Variants in CFAP299 observed in about 807,000 individuals in gnomAD.
CFAP299 encodes the protein cilia and flagella associated protein 299, also known as cilia- and flagella-associated protein 299.
CFAP299 carries 21 observed loss-of-function variants against 27.0 expected under a neutral mutation model. The ratio of observed to expected loss-of-function variants is 0.78; its 90% CI spans 0.55 to 1.12. CFAP299 has a LOEUF of 1.12. CFAP299 is among the 50% of genes most tolerant of loss of function. CFAP299 has a pLI of 0.00. For synonymous variants in CFAP299, 104 were observed against 98.1 expected, an observed-to-expected ratio of 1.06 and a Z score of -0.36; for missense variants, 310 against 276.6, an observed-to-expected ratio of 1.12 and a Z score of -0.86.
At chr4:80,676,706 C>G (rs935636597) in intron 3 of CFAP299, among the ~76,000 whole-genome samples, 1 of 151,982 alleles carries the variant, frequency 6.6e-6, no homozygotes, top group African/African-American at 2.4e-5. Context: ...CAGGAATTTA[C>G]TCATTTCTGC....
chr4:80,920,238 A>T (rs1363441164), intron 4 of CFAP299, among the ~76,000 whole-genome samples: 1 of 152,162 alleles, frequency 6.6e-6, no homozygotes, highest in Non-Finnish European at 1.5e-5. Context: ...CTCACTTTGA[A>T]TGTGACTCAC....
chr4:80,807,076 G>C (rs1189124227), intron 3 of CFAP299, among the ~76,000 whole-genome samples: 1 of 152,082 alleles, frequency 6.6e-6, no homozygotes, highest in East Asian at 1.9e-4. Context: ...ACTAAGCACT[G>C]CTTTTCTTGA....
At chr4:80,800,348 A>C (rs1232598928) in intron 3 of CFAP299, among the ~76,000 whole-genome samples, 1 of 71,886 alleles carries the variant, frequency 1.4e-5, no homozygotes, top group Non-Finnish European at 2.3e-5. Flanking sequence ...ATAATATATA[A>C]TATATATGAT....
At chr4:80,828,871 A>G (rs1730138304) in intron 3 of CFAP299, among the ~76,000 whole-genome samples, 1 of 152,072 alleles carries the variant, frequency 6.6e-6, no homozygotes, top group African/African-American at 2.4e-5. Context: ...TGTTGGGAAA[A>G]CTCAGTATCT....
At chr4:80,688,892 G>A (rs985615322) in intron 3 of CFAP299, among the ~76,000 whole-genome samples, 1 of 151,994 alleles carries the variant, frequency 6.6e-6, no homozygotes, top group African/African-American at 2.4e-5. Flanking sequence ...ACTACGTGAA[G>A]AATGCAGAAG....
chr4:80,732,270 T>C (rs2110056616), intron 3 of CFAP299, among the ~76,000 whole-genome samples: 1 of 149,036 alleles, frequency 6.7e-6, no homozygotes, highest in East Asian at 2.0e-4. Flanking sequence ...GAAGTTTGTT[T>C]TAAGAATCAC....
At chr4:80,425,014 G>T (rs1356936779) in intron 2 of CFAP299, among the ~76,000 whole-genome samples, 2 of 151,998 alleles carry the variant, frequency 1.3e-5, no homozygotes, top group African/African-American at 4.8e-5. Flanking sequence ...CTTGTGGGAG[G>T]ACATTATCCC....
intron 3 of CFAP299, among the ~76,000 whole-genome samples, chr4:80,615,216 C>G (rs983370811): frequency 6.6e-6 from 1 of 152,146 alleles, no homozygotes; most frequent in African/African-American, 2.4e-5. Flanking sequence ...ACTTTAGGAA[C>G]TCTGATTTGA....
intron 4 of CFAP299, among the ~76,000 whole-genome samples, chr4:80,938,571 T>C (rs1168999844): frequency 6.6e-6 from 1 of 152,170 alleles, no homozygotes; most frequent in African/African-American, 2.4e-5. Context: ...TAAATATCTG[T>C]TAGAGACTCT....
At chr4:80,445,468 G>C (rs1728575360) in intron 2 of CFAP299, among the ~76,000 whole-genome samples, 1 of 152,130 alleles carries the variant, frequency 6.6e-6, no homozygotes, top group African/African-American at 2.4e-5. Context: ...AGTGGGAGTT[G>C]AACAGTGAGA....
chr4:80,338,297 A>C (rs982849092), intron 1 of CFAP299, among the ~76,000 whole-genome samples: 4 of 152,216 alleles, frequency 2.6e-5, no homozygotes, highest in African/African-American at 9.6e-5. Context: ...TTTTGTGGTG[A>C]GAACACTTAA....
chr4:80,327,597 CA>C, the CFAP299 span, among the ~76,000 whole-genome samples: 1 of 140,620 alleles, frequency 7.1e-6, no homozygotes, highest in Non-Finnish European at 1.5e-5. Flanking sequence ...GTTGTCCAGG[CA>C]AAAAAATAGT....
chr4:80,608,764 T>G (rs1737811152), intron 3 of CFAP299, among the ~76,000 whole-genome samples: 1 of 151,960 alleles, frequency 6.6e-6, no homozygotes. Flanking sequence ...CCAGGAGGTT[T>G]AATGAGTAAT....
chr4:80,463,401 T>A (rs1042007475), intron 2 of CFAP299, among the ~76,000 whole-genome samples: 1 of 152,204 alleles, frequency 6.6e-6, no homozygotes, highest in African/African-American at 2.4e-5. Context: ...ATGATATTAA[T>A]GTGATTACAT....
intron 4 of CFAP299, among the ~76,000 whole-genome samples, chr4:80,929,787 C>T (rs1255440972): frequency 6.6e-6 from 1 of 152,134 alleles, no homozygotes; most frequent in Non-Finnish European, 1.5e-5. Context: ...GCCCTTATTA[C>T]CTGCAGAATA....
intron 3 of CFAP299, among the ~76,000 whole-genome samples, chr4:80,791,886 A>G (rs72879945): frequency 0.077 from 11,727 of 151,872 alleles, 530 homozygotes; most frequent in African/African-American, 0.1. Context: ...GAAATGAATG[A>G]AATCTTAGCT....
At chr4:80,386,676 C>T in intron 2 of CFAP299, 2 of 1,582,088 alleles carry the variant, frequency 1.3e-6, no homozygotes, top group Non-Finnish European at 1.7e-6. Context: ...GCGAGGTGGG[C>T]ACGGCGGCTG....
chr4:80,737,540 A>G (rs1723979134), intron 3 of CFAP299, among the ~76,000 whole-genome samples: 1 of 152,030 alleles, frequency 6.6e-6, no homozygotes. Context: ...GGAACTTAAT[A>G]CATTTCTTCT....
At chr4:80,801,257 A>G (rs1728579026) in intron 3 of CFAP299, among the ~76,000 whole-genome samples, 1 of 151,938 alleles carries the variant, frequency 6.6e-6, no homozygotes, top group African/African-American at 2.4e-5. Context: ...ACAGTTTCTC[A>G]AATATTCATG....
Sources: allele counts gnomAD v4.1 joint callset (sites outside exome capture counted in the v4.1 genomes callset), GRCh38; gene constraint gnomAD v4.1.1; transcripts MANE v1.5; gene names NCBI Gene and HGNC (gene_info 2026-07-23, HGNC 2026-07-21).